ZNF333: variants seen among roughly 807,000 people sequenced by gnomAD.
ZNF333 encodes the protein zinc finger protein 333.
In ZNF333, 61 loss-of-function variants were observed where a neutral mutation model predicts 76.1. That is an observed-to-expected ratio of 0.80 (90% CI 0.65 to 0.99). The LOEUF is 0.99. Among genes scored for constraint, ZNF333 ranks in the 50% least tolerant of loss-of-function variants. The pLI is 0.00. For missense variants in ZNF333, 717 were observed against 822.4 expected (o/e 0.87, Z 1.57); for synonymous variants, 284 against 305.0 (o/e 0.93, Z 0.72).
At chr19:14,726,197 G>C (rs1356904709), downstream of ZNF333, among the ~76,000 whole-genome samples, 1 of 152,204 alleles carries the variant, frequency 6.6e-6, no homozygotes, top group East Asian at 1.9e-4. Flanking sequence ...GCCAAGGCTG[G>C]AGCCTTGAGT....
In ZNF333 at chr19:14,718,761, TG is replaced by T. The variant is rs745872134; in HGVS notation, c.1435del (p.Glu479AsnfsTer15). The stretch of plus-strand genomic sequence containing the variant: ...GAACTCACACTGGAGAGAAGCCCTT[TG>T]AATGCAGCCAGTGTGGGAAAGCCTT... ...VRTHTGEKPF[E>X]CSQCGKAFRE... On this transcript the variant is annotated frameshift_variant, in exon 12 of 12. Coordinates refer to ENST00000292530, the MANE Select transcript of ZNF333 (RefSeq NM_032433.4). LOFTEE classifies it high-confidence loss of function. 2.9e-5 allele frequency: 47 copies of T among 1,613,988 alleles called. No individual in the cohort carries two copies. Among genetic ancestry groups the T allele is most frequent in the Non-Finnish European group, 3.9e-5 (46 of 1,180,014 alleles).
chr19:14,695,391 G>A (rs1263343851), intron 3 of ZNF333, among the ~76,000 whole-genome samples, 175 bp from the exon 4 acceptor site: 1 of 152,138 alleles, frequency 6.6e-6, no homozygotes, highest in African/African-American at 2.4e-5. Context: ...TGTGGGTTGG[G>A]TCCTGAGTTC....
chr19:14,716,817 A>T (rs1044789018), intron 9 of ZNF333, among the ~76,000 whole-genome samples, 177 bp from the exon 10 acceptor site: 3 of 152,184 alleles, frequency 2.0e-5, no homozygotes, highest in Non-Finnish European at 4.4e-5. Context: ...TCTGAGACCT[A>T]GTGAGGGAAC....
intron 7 of ZNF333, among the ~76,000 whole-genome samples, chr19:14,713,835 C>T (rs933441775): frequency 3.3e-5 from 5 of 152,086 alleles, no homozygotes; most frequent in South Asian, 2.1e-4. Flanking sequence ...GTGGTGCACA[C>T]GTGTAGTCTC....
At chr19:14,717,368 T>C in intron 10 of ZNF333, 1 of 542,942 alleles carries the variant, frequency 1.8e-6, no homozygotes. Flanking sequence ...ACATTCTTGC[T>C]AATATTTTTC....
intron 8 of ZNF333, 44 bp from the exon 9 acceptor site, chr19:14,716,068 G>A: frequency 6.2e-7 from 1 of 1,612,248 alleles, no homozygotes; most frequent in Non-Finnish European, 8.5e-7. Context: ...TGGCGTACTG[G>A]TGGGGGTGGT....
intron 5 of ZNF333, 143 bp from the exon 6 acceptor site, chr19:14,704,911 G>T: frequency 1.5e-6 from 1 of 665,084 alleles, no homozygotes. Context: ...CCAAAGTGCT[G>T]GGATTATGGG....
chr19:14,708,089 C>T (rs1453780804), intron 7 of ZNF333: 1 of 383,270 alleles, frequency 2.6e-6, no homozygotes, highest in Non-Finnish European at 4.6e-6. Context: ...CTCACTGCAA[C>T]CTCTGCCTCC....
intron 2 of ZNF333, 121 bp from the exon 3 acceptor site, chr19:14,694,889 T>A (rs1973058928): frequency 1.4e-6 from 2 of 1,477,964 alleles, no homozygotes. Context: ...AAAAATAGGC[T>A]TTAGGCTGGA....
intron 5 of ZNF333, chr19:14,701,999 T>C: frequency 4.1e-6 from 3 of 740,048 alleles, no homozygotes; most frequent in Non-Finnish European, 5.0e-6. Context: ...GCTGCTGGGT[T>C]GATGGTGCTG....
downstream of ZNF333, among the ~76,000 whole-genome samples, chr19:14,722,258 C>T (rs929913402): frequency 6.6e-6 from 1 of 152,220 alleles, no homozygotes; most frequent in Admixed American, 6.5e-5. Flanking sequence ...TGCAGCTCCT[C>T]CTATCAAGAG....
At chr19:14,717,301 T>C (rs2042462936) in intron 10 of ZNF333, 2 of 551,368 alleles carry the variant, frequency 3.6e-6, no homozygotes, top group Non-Finnish European at 6.4e-6. Context: ...TCTGTCCTAC[T>C]TTCTCTTCAT....
intron 7 of ZNF333, among the ~76,000 whole-genome samples, chr19:14,711,200 T>G (rs1052798371): frequency 8.5e-5 from 13 of 152,168 alleles, no homozygotes; most frequent in Admixed American, 8.5e-4. Flanking sequence ...GGAAAGCAGG[T>G]GTTCAACATA....
At position 14,719,368 on chromosome 19, in the gene ZNF333, C is replaced by G. The variant is rs150020895; in HGVS notation, c.*43C>G. ...TATAAACACATGGGGCTATGACTTT[C>G]CCTCGTAATACTCCTTTAGCTGCAT... On this transcript the variant is annotated 3_prime_UTR_variant, in exon 12 of 12. Coordinates refer to ENST00000292530, the MANE Select transcript of ZNF333 (RefSeq NM_032433.4). 9.1e-4 allele frequency: 1,390 copies of G among 1,530,594 alleles called. 6 individuals are homozygous for G. The African/African-American group carries it at 0.012, about 13-fold the overall frequency. The allele number at this position is 1,530,594 out of a possible 1,614,324, so 94.8% of individuals were successfully genotyped here.
At chr19:14,699,308 T>C (rs1973512603) in intron 5 of ZNF333, 27 bp downstream of exon 5, 1 of 1,600,940 alleles carries the variant, frequency 6.2e-7, no homozygotes, top group Non-Finnish European at 8.6e-7. Context: ...TTTCCCCGGC[T>C]CCCAGCATGG....
intron 5 of ZNF333, among the ~76,000 whole-genome samples, chr19:14,700,639 C>T (rs1197123486): frequency 6.6e-6 from 1 of 152,114 alleles, no homozygotes; most frequent in Admixed American, 6.5e-5. Context: ...CCTGAATTTC[C>T]TCCGCCTCAA....
chr19:14,710,667 A>G (rs923214240), intron 7 of ZNF333, among the ~76,000 whole-genome samples: 1 of 152,222 alleles, frequency 6.6e-6, no homozygotes, highest in Admixed American at 6.5e-5. Flanking sequence ...AATCCCAGCT[A>G]CTTGGGAGGT....
chr19:14,720,202 A>AT lies in ZNF333; in HGVS notation c.*877_*878insT, dbSNP rs1823845239. 1.0e-6 allele frequency: 1 copy of AT among 984,156 alleles called. No individual in the cohort carries two copies. Among genetic ancestry groups the AT allele is most frequent in the Admixed American group, 6.2e-5 (1 of 16,228 alleles). The allele number at this position is 984,156 out of a possible 1,614,324, so 61.0% of individuals were successfully genotyped here. A position where few individuals can be genotyped will look rare whatever the true frequency, so the allele number is the denominator to read the frequency against. On this transcript the variant is annotated 3_prime_UTR_variant, in exon 12 of 12. Coordinates refer to ENST00000292530, the MANE Select transcript of ZNF333 (RefSeq NM_032433.4). ...CTCTGTCTCAAAAATAATAATAATAAAAAAAAGCTTCCATCTCCCAGCCCT... is the reference window on the plus strand; with the variant it reads ...CTCTGTCTCAAAAATAATAATAATAATAAAAAAGCTTCCATCTCCCAGCCCT...
At chr19:14,716,801 G>T (rs896262882) in intron 9 of ZNF333, among the ~76,000 whole-genome samples, 193 bp from the exon 10 acceptor site, 5 of 152,330 alleles carry the variant, frequency 3.3e-5, no homozygotes, top group African/African-American at 1.2e-4. Flanking sequence ...GAGAGCCTCA[G>T]TGTCCTCTGA....
Sources: gnomAD v4.1 joint callset for allele counts (sites outside exome capture counted in the v4.1 genomes callset) on GRCh38, gnomAD v4.1.1 for gene constraint, MANE v1.5 for transcripts, NCBI Gene and HGNC (gene_info 2026-07-23, HGNC 2026-07-21) for gene names.